The following TRPM1 variants were observed in gnomAD, a reference collection of about 807,000 sequenced individuals.
TRPM1 encodes transient receptor potential cation channel subfamily M member 1.
In TRPM1, 113 loss-of-function variants were observed where a neutral mutation model predicts 149.4. The observed-to-expected ratio is 0.76, with a 90% CI of 0.65 to 0.88. The LOEUF (loss-of-function observed/expected upper bound fraction) is 0.88, where lower values mean the gene tolerates loss of function less well. Ranked by LOEUF, TRPM1 falls within the 40% of genes least tolerant of loss-of-function variation. The pLI is 0.00. For missense variants in TRPM1, 1,976 were observed against 2,038.7 expected, an observed-to-expected ratio of 0.97 and a Z score of 0.59; for synonymous variants, 741 against 759.5, an observed-to-expected ratio of 0.98 and a Z score of 0.40.
At chr15:31,076,100 A>C (rs1429083250) in intron 3 of TRPM1, among the ~76,000 whole-genome samples, 2 of 149,142 alleles carry the variant, frequency 1.3e-5, no homozygotes. Context: ...GACCGTTGGC[A>C]TTGTTTCATA....
intron 1 of TRPM1, among the ~76,000 whole-genome samples, chr15:31,090,421 G>A (rs958522017): frequency 1.3e-5 from 2 of 152,110 alleles, no homozygotes; most frequent in East Asian, 1.9e-4. Context: ...GGCCGGTCAC[G>A]AGGTCAGGGA....
chr15:31,099,975 G>A (rs2035476932), intron 1 of TRPM1, among the ~76,000 whole-genome samples: 1 of 152,106 alleles, frequency 6.6e-6, no homozygotes, highest in Non-Finnish European at 1.5e-5. Flanking sequence ...TTCAGACAGA[G>A]AAAATGTGTC....
At chr15:31,014,810 A>G (rs1335149064) in intron 27 of TRPM1, among the ~76,000 whole-genome samples, 1 of 152,156 alleles carries the variant, frequency 6.6e-6, no homozygotes, top group East Asian at 1.9e-4. Context: ...TACTTTTCCA[A>G]GTTCCCCCTC....
Position 31,049,355 on chromosome 15 carries a change from C to A in TRPM1, c.1572+20G>T, listed in dbSNP as rs901074000. 1.9e-6 allele frequency: 3 copies of A among 1,614,058 alleles called. No individual in the cohort carries two copies. The African/African-American group carries it at 4.0e-5, about 22-fold the overall frequency. On this transcript the variant is annotated intron_variant, in intron 13 of 27. Coordinates refer to ENST00000256552, the MANE Select transcript of TRPM1 (RefSeq NM_001252024.2). The stretch of plus-strand genomic sequence containing the variant: ...TAGGTGGCTGCCTCCCGCTTCCTTC[C>A]CTTTTTCTAGAGCACTCACTGTGTT...
chr15:31,070,314 G>A (rs550317159), intron 3 of TRPM1, 88 bp from the exon 4 acceptor site: 2 of 1,335,080 alleles, frequency 1.5e-6, no homozygotes, highest in Non-Finnish European at 1.1e-6. Flanking sequence ...CAACAGGTGA[G>A]TTGGGCCCAA....
intron 1 of TRPM1, among the ~76,000 whole-genome samples, chr15:31,118,214 C>A (rs1170264118): frequency 6.6e-6 from 1 of 152,036 alleles, no homozygotes; most frequent in African/African-American, 2.4e-5. Flanking sequence ...GCTGAGATTG[C>A]ACCACTGCAC....
Position 31,002,757 on chromosome 15 carries a change from G to A in TRPM1, c.3943C>T (p.Pro1315Ser), listed in dbSNP as rs780528722. Residue 1315 changes from proline to serine, a missense_variant, in exon 28 of 28, where the codon CCA (proline) becomes TCA (serine). Physicochemically the swap from Pro to Ser is moderately conservative, Grantham distance 74. Around this residue, in one of 3 missense-constraint regions of TRPM1, gnomAD observed 572 missense variants for 578.9 expected, o/e 0.99. Transcript: ENST00000256552. ...LFEDTSLSTS[P>S]GTGVRKKTCS... Reference sequence around the variant, plus strand: ...GTTTTTTTCCTGACTCCTGTCCCTGGTGACGTGGAGAGAGATGTATCCTCA... The same window carrying A: ...GTTTTTTTCCTGACTCCTGTCCCTGATGACGTGGAGAGAGATGTATCCTCA... The A allele has an allele frequency of 1.9e-6, 3 of 1,614,114 alleles. No individual in the cohort carries two copies. Among genetic ancestry groups the A allele is most frequent in the Non-Finnish European group, 2.5e-6 (3 of 1,180,008 alleles).
At chr15:31,084,117 G>A (rs1259066882) in intron 1 of TRPM1, among the ~76,000 whole-genome samples, 1 of 152,152 alleles carries the variant, frequency 6.6e-6, no homozygotes, top group African/African-American at 2.4e-5. Flanking sequence ...GACACTGAGA[G>A]ATCCTCCTCT....
intron 20 of TRPM1, 34 bp downstream of exon 20, chr15:31,037,677 T>C (rs989364493): frequency 9.3e-6 from 15 of 1,614,214 alleles, no homozygotes; most frequent in Non-Finnish European, 1.2e-5. Context: ...ATTCAAAATA[T>C]ACTGAATGTC....
intron 1 of TRPM1, among the ~76,000 whole-genome samples, chr15:31,087,674 A>G (rs548714197): frequency 2.0e-5 from 3 of 152,184 alleles, no homozygotes; most frequent in African/African-American, 4.8e-5. Context: ...TATCCACACA[A>G]TGAAATATGA....
At chr15:31,042,335 A>G in intron 16 of TRPM1, 92 bp from the exon 17 acceptor site, 1 of 1,355,916 alleles carries the variant, frequency 7.4e-7, no homozygotes, top group African/African-American at 1.4e-5. Context: ...CCTTTCTGTC[A>G]GAGGTAATAA....
rs371591797 is a variant in TRPM1 at position 31,066,094 on chromosome 15, G to A, written c.772C>T (p.Leu258=). ...CACTTACTTGTGTTGATCTTCTGCA[G>A]GGAGATGTGCTTTTCCAGCAGCCTT... ...LRRLLEKHIS[L]QKINTRLGQG... is the part of the protein sequence containing the mutation. The change falls in exon 7 of 28, where the codon CTG becomes TTG. Residue 258 remains leucine (L), a synonymous_variant. Coordinates refer to ENST00000256552, the MANE Select transcript of TRPM1 (RefSeq NM_001252024.2). 3.1e-6 allele frequency: 5 copies of A among 1,614,110 alleles called. No homozygotes were observed. Among genetic ancestry groups the A allele is most frequent in the Non-Finnish European group, 4.2e-6 (5 of 1,179,980 alleles).
At chr15:31,068,180 A>AGTTCTTGCTTGG in intron 4 of TRPM1, 88 bp from the exon 5 acceptor site, 1 of 1,202,480 alleles carries the variant, frequency 8.3e-7, no homozygotes, top group Non-Finnish European at 1.2e-6. Flanking sequence ...ATGTCCAAGC[A>AGTTCTTGCTTGG]AGAACTGCCT....
At chr15:31,121,616 C>A (rs2035881776) in intron 1 of TRPM1, among the ~76,000 whole-genome samples, 1 of 152,154 alleles carries the variant, frequency 6.6e-6, no homozygotes, top group African/African-American at 2.4e-5. Flanking sequence ...TTTCAAAACT[C>A]ATACAATGAG....
Position 31,025,530 on chromosome 15 carries a change from G to A in TRPM1, c.3629+609C>T, listed in dbSNP as rs115042504. Among the ~76,000 whole-genome samples, 81 of 152,252 alleles carry A rather than the reference G, an allele frequency of 5.3e-4. 1 individual carries two copies. The highest frequency in any genetic ancestry group is 1.8e-3 in the African/African-American group (76 of 41,552). Reference sequence around the variant, plus strand: ...CTCTGCATTTATTAAGCATCACCGCGGAGATTAGGCTGACCTTGCTGGGTA... The same window carrying A: ...CTCTGCATTTATTAAGCATCACCGCAGAGATTAGGCTGACCTTGCTGGGTA... On this transcript the variant is annotated intron_variant, in intron 27 of 27. Coordinates refer to ENST00000256552, the MANE Select transcript of TRPM1 (RefSeq NM_001252024.2).
At chr15:31,120,662 C>A (rs1165157145) in intron 1 of TRPM1, among the ~76,000 whole-genome samples, 1 of 150,868 alleles carries the variant, frequency 6.6e-6, no homozygotes, top group African/African-American at 2.4e-5. Context: ...CAAAACACAC[C>A]CCAGCAAAAT....
intron 1 of TRPM1, among the ~76,000 whole-genome samples, chr15:31,112,650 A>C (rs1461990551): frequency 6.6e-6 from 1 of 152,056 alleles, no homozygotes; most frequent in South Asian, 2.1e-4. Context: ...GGGGTTCCTG[A>C]TTCAGAGATA....
chr15:31,060,146 T>A, intron 11 of TRPM1: 1 of 320,592 alleles, frequency 3.1e-6, no homozygotes. Context: ...CACACACACA[T>A]AAACACACAC....
At chr15:31,057,870 T>C (rs187062488) in intron 11 of TRPM1, among the ~76,000 whole-genome samples, 1 of 152,300 alleles carries the variant, frequency 6.6e-6, no homozygotes, top group Admixed American at 6.5e-5. Context: ...TGAGAATTGA[T>C]GGTTTTAAAA....
Sources: allele counts gnomAD v4.1 joint callset (sites outside exome capture counted in the v4.1 genomes callset), GRCh38; gene constraint gnomAD v4.1.1; regional missense constraint gnomAD v4.1.1; transcripts MANE v1.5; gene names NCBI Gene and HGNC (gene_info 2026-07-23, HGNC 2026-07-21).